Variants in RARS1 observed in about 807,000 individuals in gnomAD.
RARS1 encodes the protein arginine--tRNA ligase, cytoplasmic.
RARS1 carries 75 observed loss-of-function variants against 78.7 expected under a neutral mutation model. That is an observed-to-expected ratio of 0.95 (90% CI 0.79 to 1.15). RARS1 has a LOEUF of 1.15. Ranked by LOEUF, RARS1 falls within the 50% of genes most tolerant of loss-of-function variation. The probability of loss-of-function intolerance (pLI) is 0.00; values close to 1 mark genes in which losing one functional copy is unlikely to be tolerated. For synonymous variants in RARS1, 273 were observed against 268.2 expected, an observed-to-expected ratio of 1.02 and a Z score of -0.18; for missense variants, 787 against 787.5, an observed-to-expected ratio of 1.00 and a Z score of 0.01.
intron 8 of RARS1, 79 bp downstream of exon 8, chr5:168,500,799 TTGAG>T (rs1431544663): frequency 1.3e-6 from 2 of 1,484,130 alleles, no homozygotes; most frequent in Admixed American, 2.4e-5. Flanking sequence ...TGATTTGACT[TTGAG>T]TGATATTTTA....
At chr5:168,492,987 G>A (rs770490406) in intron 3 of RARS1, 140 bp downstream of exon 3, 11 of 802,760 alleles carry the variant, frequency 1.4e-5, no homozygotes, top group Non-Finnish European at 1.9e-5. Context: ...CTTGAGAAAG[G>A]AGTTGGGGGG....
At chr5:168,506,323 C>G in intron 10 of RARS1, 124 bp downstream of exon 10, 1 of 816,246 alleles carries the variant, frequency 1.2e-6, no homozygotes, top group South Asian at 2.0e-5. Context: ...TTCAGGACAT[C>G]AGTATAGCAT....
At chr5:168,487,090 C>A (rs1319754825) in intron 1 of RARS1, among the ~76,000 whole-genome samples, 1 of 152,090 alleles carries the variant, frequency 6.6e-6, no homozygotes, top group Non-Finnish European at 1.5e-5. Context: ...CGGCCGGGCG[C>A]GGTGGCTCAT....
intron 5 of RARS1, 37 bp from the exon 6 acceptor site, chr5:168,495,278 C>T: frequency 1.3e-6 from 2 of 1,595,414 alleles, no homozygotes; most frequent in Non-Finnish European, 1.7e-6. Context: ...TATGTTTATG[C>T]CCCTCTTAAC....
At chr5:168,495,773 A>C (rs1259085400) in intron 6 of RARS1, among the ~76,000 whole-genome samples, 1 of 152,158 alleles carries the variant, frequency 6.6e-6, no homozygotes, top group Non-Finnish European at 1.5e-5. Context: ...GGGCCTTGTA[A>C]GCTGTGAGAG....
intron 11 of RARS1, 92 bp from the exon 12 acceptor site, chr5:168,510,489 T>G: frequency 1.1e-6 from 1 of 883,468 alleles, no homozygotes; most frequent in East Asian, 2.6e-5. Flanking sequence ...ATGTTGCAGT[T>G]TTGTGGTCAG....
chr5:168,505,889 C>A, intron 9 of RARS1, 132 bp from the exon 10 acceptor site: 1 of 829,302 alleles, frequency 1.2e-6, no homozygotes, highest in Non-Finnish European at 1.8e-6. Context: ...TATGTGCTTT[C>A]TTTAGCTCTC....
At chr5:168,518,619 T>A (rs1428577935) in intron 14 of RARS1, among the ~76,000 whole-genome samples, 1 of 152,162 alleles carries the variant, frequency 6.6e-6, no homozygotes, top group Admixed American at 6.5e-5. Context: ...ACACTTGTTA[T>A]CTTTTCTTAC....
At chr5:168,510,731 T>C (rs1257316535) in intron 12 of RARS1, 45 bp downstream of exon 12, 2 of 1,440,282 alleles carry the variant, frequency 1.4e-6, no homozygotes, top group South Asian at 1.3e-5. Context: ...AGCATTGTGA[T>C]TTTTCATTTT....
At chr5:168,496,944 T>G (rs543793777) in intron 6 of RARS1, 8 of 266,116 alleles carry the variant, frequency 3.0e-5, no homozygotes, top group Non-Finnish European at 5.6e-5. Flanking sequence ...ATAAACAGAT[T>G]ATAGTCCACT....
intron 12 of RARS1, among the ~76,000 whole-genome samples, chr5:168,514,361 A>G (rs1319127131): frequency 6.6e-6 from 1 of 152,130 alleles, no homozygotes; most frequent in Non-Finnish European, 1.5e-5. Flanking sequence ...AGAACTTTGT[A>G]TCTCACGTGT....
At position 168,495,058 on chromosome 5, in the gene RARS1, C is replaced by T. The variant is rs1201420513; in HGVS notation, c.580-257C>T. ...GCATTTGAGGTAGCCAATTGATACA[C>T]AGATATCACTGAAATAGAATGGATA... On this transcript the variant is annotated intron_variant, in intron 5 of 14. Transcript: ENST00000231572. 11 of 482,504 alleles carry T rather than the reference C, an allele frequency of 2.3e-5. No homozygotes were observed. The Admixed American group carries it at 3.1e-4, about 13-fold the overall frequency. 29.9% of individuals were successfully genotyped at this position (482,504 alleles called of 1,614,324 possible).
Position 168,495,388 on chromosome 5 carries a change from G to C in RARS1, c.653G>C (p.Gly218Ala), listed in dbSNP as rs756877831. The C allele has an allele frequency of 3.7e-6, 6 of 1,614,056 alleles. No homozygotes were observed. Among genetic ancestry groups the C allele is most frequent in the Non-Finnish European group, 5.1e-6 (6 of 1,179,968 alleles). Residue 218 changes from glycine (G) to alanine (A), a missense_variant, in exon 6 of 15, where the codon GGA becomes GCA. By Grantham distance (60) the Gly-to-Ala change is moderately conservative (BLOSUM62 0). Coordinates refer to ENST00000231572, the MANE Select transcript of RARS1 (RefSeq NM_002887.4). ...HVGHLRSTII[G>A]ESISRLFEFA... ...GGCCACCTGAGGTCAACTATCATAG[G>C]AGAGAGTATAAGCCGCCTCTTTGAA...
rs1341221155 is a variant in RARS1 at position 168,486,527 on chromosome 5, C to G, written c.29C>G (p.Ala10Gly). Residue 10 changes from alanine (A) to glycine (G), a missense_variant, in exon 1 of 15, where the codon GCG (alanine) becomes GGG (glycine). Ala to Gly is a moderately conservative substitution (Grantham distance 60). Coordinates refer to ENST00000231572, the MANE Select transcript of RARS1 (RefSeq NM_002887.4). The part of the protein sequence containing the change: MDVLVSECS[A>G]RLLQQEEEIK... ...GACGTACTGGTGTCTGAGTGCTCCG[C>G]GCGGCTGCTGCAGCAGGTTTGGACG... 2 of 1,558,800 alleles carry G rather than the reference C, an allele frequency of 1.3e-6. No individual in the cohort carries two copies. The highest frequency in any genetic ancestry group is 2.4e-5 in the South Asian group (2 of 84,660).
At position 168,493,967 on chromosome 5, in the gene RARS1, ATGAATGTAT is replaced by A. The variant is rs768923402; in HGVS notation, c.448_456del (p.Cys150_Glu152del). 6.2e-6 allele frequency: 10 copies of A among 1,612,906 alleles called. No individual in the cohort carries two copies. Among genetic ancestry groups the A allele is most frequent in the Non-Finnish European group, 8.5e-6 (10 of 1,178,932 alleles). ...AACATTACCAAACACCTCCCAGACA[ATGAATGTAT>A]TGAAAAAGTTGAAATTGCTGGTCCT... On this transcript the variant is annotated inframe_deletion, in exon 4 of 15. Transcript: ENST00000231572.
At chr5:168,515,016 C>T (rs1435528554) in intron 12 of RARS1, among the ~76,000 whole-genome samples, 1 of 152,010 alleles carries the variant, frequency 6.6e-6, no homozygotes, top group Non-Finnish European at 1.5e-5. Context: ...TACAGTCTTA[C>T]AAGAATAGAT....
At chr5:168,495,525 G>A (rs964318203) in intron 6 of RARS1, 89 bp downstream of exon 6, 2 of 1,491,244 alleles carry the variant, frequency 1.3e-6, no homozygotes, top group African/African-American at 2.8e-5. Context: ...ACTCAAGAAA[G>A]AACATTCGAC....
chr5:168,504,718 G>A (rs563105812), intron 9 of RARS1, among the ~76,000 whole-genome samples: 69 of 151,980 alleles, frequency 4.5e-4, no homozygotes, highest in African/African-American at 1.5e-3. Flanking sequence ...CCAGCTACTC[G>A]GGAGGCTGAG....
rs1758541309 is a variant in RARS1, at chr5:168,510,437, A to G, written c.1347-144A>G. 1.1e-5 allele frequency: 7 copies of G among 658,064 alleles called. No homozygotes were observed. In the Admixed American group the frequency reaches 1.8e-4, roughly 17 times the overall value. 40.8% of individuals were successfully genotyped at this position (658,064 alleles called of 1,614,324 possible). On this transcript the variant is annotated intron_variant, in intron 11 of 14. Transcript: ENST00000231572. ...TACCATTGGCATCAACCCTCTCTTA[A>G]TAGTTCTCAGGGGCAATATGTACCT...
Sources: allele counts gnomAD v4.1 joint callset (sites outside exome capture counted in the v4.1 genomes callset), GRCh38; gene constraint gnomAD v4.1.1; transcripts MANE v1.5; gene names NCBI Gene and HGNC (gene_info 2026-07-23, HGNC 2026-07-21).